HELQ: variants seen among roughly 807,000 people sequenced by gnomAD.
The protein encoded by HELQ is helicase, POLQ like.
HELQ carries 77 observed loss-of-function variants against 111.6 expected under a neutral mutation model. The ratio of observed to expected loss-of-function variants is 0.69; its 90% CI spans 0.57 to 0.83. HELQ has a LOEUF of 0.83. HELQ is among the 40% of genes least tolerant of loss of function. The pLI, the probability that HELQ is intolerant of heterozygous loss-of-function variation, is 0.00. For missense variants in HELQ, 1,200 were observed against 1,288.5 expected (o/e 0.93, Z 1.05); for synonymous variants, 438 against 454.7 (o/e 0.96, Z 0.47).
At chr4:83,451,993 C>A (rs1005528854) in intron 2 of HELQ, among the ~76,000 whole-genome samples, 2 of 152,196 alleles carry the variant, frequency 1.3e-5, no homozygotes, top group Admixed American at 6.5e-5. Flanking sequence ...AGAAAACTTA[C>A]GAAGTGGAAG....
Position 83,455,688 on chromosome 4 carries a change from A to C in HELQ, c.6T>G (p.Asp2Glu). The C allele has an allele frequency of 6.2e-7, 1 of 1,605,838 alleles. No homozygotes were observed. Among genetic ancestry groups the C allele is most frequent in the Non-Finnish European group, 8.5e-7 (1 of 1,179,716 alleles). The stretch of plus-strand genomic sequence containing the variant: ...GCCGGCGGATGCGGGAACCACATTC[A>C]TCCATGGCAAGGACCCAGGGCCCTA... MDECGSRIRRRV... is the reference protein window; with the variant it reads MEECGSRIRRRV... Residue 2 changes from aspartate (D) to glutamate (E), a missense_variant, in exon 1 of 18, where the codon GAT becomes GAG. Asp to Glu is a conservative substitution (Grantham distance 45). Transcript: ENST00000295488.
intron 14 of HELQ, among the ~76,000 whole-genome samples, chr4:83,424,302 A>T (rs1367152137): frequency 6.6e-6 from 1 of 152,204 alleles, no homozygotes; most frequent in East Asian, 1.9e-4. Context: ...AGAGTTTGAT[A>T]TAAAAGGTTT....
intron 4 of HELQ, among the ~76,000 whole-genome samples, chr4:83,446,409 C>T (rs1578100576): frequency 2.0e-5 from 3 of 152,238 alleles, no homozygotes; most frequent in Middle Eastern, 6.8e-3. Flanking sequence ...TGGGTTACAG[C>T]GATTCTCCTG....
chr4:83,451,465 A>G (rs1721361403), intron 2 of HELQ, among the ~76,000 whole-genome samples: 5 of 152,018 alleles, frequency 3.3e-5, no homozygotes. Flanking sequence ...GATCGAGACC[A>G]TCCTGGCTAA....
intron 9 of HELQ, among the ~76,000 whole-genome samples, chr4:83,432,918 G>C (rs1386277321): frequency 6.6e-6 from 1 of 151,972 alleles, no homozygotes; most frequent in South Asian, 2.1e-4. Context: ...AAACTGGCTG[G>C]GCATGGTAGT....
chr4:83,428,232 T>C (rs1719947383), intron 12 of HELQ, among the ~76,000 whole-genome samples: 1 of 151,310 alleles, frequency 6.6e-6, no homozygotes, highest in South Asian at 2.1e-4. Context: ...TTTGGAAGAA[T>C]ACATATCAAA....
intron 13 of HELQ, 83 bp downstream of exon 13, chr4:83,427,480 C>A: frequency 8.5e-7 from 1 of 1,172,834 alleles, no homozygotes; most frequent in Non-Finnish European, 1.2e-6. Context: ...CATGGCAAAG[C>A]CTCATCTCTA....
intron 15 of HELQ, among the ~76,000 whole-genome samples, chr4:83,418,888 A>G (rs1240297826): frequency 1.3e-5 from 2 of 152,180 alleles, no homozygotes; most frequent in Non-Finnish European, 2.9e-5. Context: ...GAATCAATCA[A>G]TCCTGAAGCT....
In HELQ at chr4:83,453,578, T is replaced by C. The variant is rs1400484583; in HGVS notation, c.665A>G (p.Asp222Gly). 1 of 1,613,172 alleles carries C rather than the reference T, an allele frequency of 6.2e-7. No individual in the cohort carries two copies. Among genetic ancestry groups the C allele is most frequent in the Non-Finnish European group, 8.5e-7 (1 of 1,179,276 alleles). Residue 222 changes from aspartate (D) to glycine (G), a missense_variant, in exon 2 of 18, where the codon GAT (aspartate) becomes GGT (glycine). Asp to Gly is a moderately conservative substitution (Grantham distance 94). Coordinates refer to ENST00000295488, the MANE Select transcript of HELQ (RefSeq NM_133636.5). ...DLGDHSMKERDWKSSSHNTVN... is the reference protein window; with the variant it reads ...DLGDHSMKERGWKSSSHNTVN... Reference sequence around the variant, plus strand: ...AGTGTTGTGAGAGGATGACTTCCAATCCCTTTCTTTCATAGAATGATCACC... The same window carrying C: ...AGTGTTGTGAGAGGATGACTTCCAACCCCTTTCTTTCATAGAATGATCACC...
At chr4:83,434,297 G>A (rs983534672) in intron 9 of HELQ, among the ~76,000 whole-genome samples, 18 of 152,084 alleles carry the variant, frequency 1.2e-4, no homozygotes, top group Non-Finnish European at 2.6e-4. Context: ...CTTGAACCCA[G>A]GAGACAGAGG....
chr4:83,444,491 CT>C (rs11320810), intron 5 of HELQ, among the ~76,000 whole-genome samples: 82,551 of 151,910 alleles, frequency 0.54, 25,300 homozygotes, highest in African/African-American at 0.84. Context: ...AGCAGTTCTC[CT>C]TGCCCCAACC....
intron 8 of HELQ, among the ~76,000 whole-genome samples, chr4:83,438,029 A>G (rs551574842): frequency 1.3e-5 from 2 of 152,316 alleles, no homozygotes; most frequent in South Asian, 4.1e-4. Flanking sequence ...TTAAGCTTTT[A>G]TAATCAAAAT....
At chr4:83,451,845 T>C (rs4693626) in intron 2 of HELQ, among the ~76,000 whole-genome samples, 132,036 of 152,254 alleles carry the variant, frequency 0.87, 57,490 homozygotes, top group African/African-American at 0.95. Flanking sequence ...AGCTCTTAAG[T>C]CATGAACCTC....
At chr4:83,418,787 G>A (rs1232957014) in intron 15 of HELQ, among the ~76,000 whole-genome samples, 1 of 152,178 alleles carries the variant, frequency 6.6e-6, no homozygotes, top group Non-Finnish European at 1.5e-5. Context: ...GAATGGAACA[G>A]CATTAGCTAG....
chr4:83,439,967 T>C lies in HELQ; in HGVS notation c.1704A>G (p.Val568=). The change falls in exon 8 of 18, where the codon GTA becomes GTG. Residue 568 remains valine, a synonymous_variant. Transcript: ENST00000295488. ...TGGGAATAACTTCTGTCACCAATGC[T>C]ACCAAGTGATCAGGATCCATCTTTT... is the stretch of plus-strand genomic sequence containing the variant. ...TLKKMDPDHL[V]ALVTEVIPNY... 1 of 1,612,208 alleles carries C rather than the reference T, an allele frequency of 6.2e-7. No individual in the cohort carries two copies.
Position 83,429,725 on chromosome 4 carries a change from T to A in HELQ, c.2317A>T (p.Ile773Phe). The stretch of plus-strand genomic sequence containing the variant: ...AATGTACCATTCATGAAATGATAGA[T>A]GTCATCAAGATTCGTTGCAATCTGA... ...GLKIATNLDD[I>F]YHFMNGTFFG... The change falls in exon 12 of 18, where the codon ATC (isoleucine) becomes TTC (phenylalanine). Residue 773 changes from isoleucine (I) to phenylalanine (F), a missense_variant. This residue lies in a region of HELQ where 585 missense variants were observed against 665.3 expected (regional missense o/e 0.88). Coordinates refer to ENST00000295488, the MANE Select transcript of HELQ (RefSeq NM_133636.5). The A allele has an allele frequency of 6.2e-7, 1 of 1,612,092 alleles. No homozygotes were observed. Among genetic ancestry groups the A allele is most frequent in the South Asian group, 1.1e-5 (1 of 90,776 alleles).
chr4:83,417,693 T>C (rs1739438221), intron 16 of HELQ, among the ~76,000 whole-genome samples: 1 of 152,144 alleles, frequency 6.6e-6, no homozygotes, highest in Admixed American at 6.5e-5. Flanking sequence ...TCTTACTCTC[T>C]TAGAAAAAAT....
Position 83,431,654 on chromosome 4 carries a change from A to G in HELQ, c.2295+10T>C, listed in dbSNP as rs1720157127. On this transcript the variant is annotated intron_variant, in intron 11 of 17. Coordinates refer to ENST00000295488, the MANE Select transcript of HELQ (RefSeq NM_133636.5). Reference sequence around the variant, plus strand: ...TAACAGTAATAAGATAAAAAATTTAAGAAAAATACCTTCAAACCAATCAAA... The same window carrying G: ...TAACAGTAATAAGATAAAAAATTTAGGAAAAATACCTTCAAACCAATCAAA... The G allele has an allele frequency of 6.8e-7, 1 of 1,465,928 alleles. No homozygotes were observed. Among genetic ancestry groups the G allele is most frequent in the Non-Finnish European group, 9.3e-7 (1 of 1,076,084 alleles). 90.8% of individuals were successfully genotyped at this position (1,465,928 alleles called of 1,614,324 possible). A position where few individuals can be genotyped will look rare whatever the true frequency, so the allele number is the denominator to read the frequency against.
At chr4:83,421,804 C>T in intron 14 of HELQ, 68 bp from the exon 15 acceptor site, 1 of 1,270,892 alleles carries the variant, frequency 7.9e-7, no homozygotes, top group South Asian at 1.3e-5. Context: ...TAAAATTGGA[C>T]AAAAGGAAAA....
Sources: gnomAD v4.1 joint callset for allele counts (sites outside exome capture counted in the v4.1 genomes callset) on GRCh38, gnomAD v4.1.1 for gene constraint, gnomAD v4.1.1 regional missense constraint, MANE v1.5 for transcripts, NCBI Gene and HGNC (gene_info 2026-07-23, HGNC 2026-07-21) for gene names.